GOLGB1: variants seen among roughly 807,000 people sequenced by gnomAD.
GOLGB1 encodes golgin subfamily B member 1.
Under a neutral mutation model 336.9 loss-of-function variants are expected in GOLGB1, and 174 were observed. The observed-to-expected ratio is 0.52, with a 90% CI of 0.46 to 0.59. GOLGB1 has a LOEUF of 0.59. Among genes scored for constraint, GOLGB1 ranks in the 20% least tolerant of loss-of-function variants. The pLI is 0.00. For missense variants in GOLGB1, 3,331 were observed against 3,645.3 expected, an observed-to-expected ratio of 0.91 and a Z score of 2.22; for synonymous variants, 1,208 against 1,289.2, an observed-to-expected ratio of 0.94 and a Z score of 1.35.
chr3:121,742,882 T>C (rs1422986531), intron 1 of GOLGB1, among the ~76,000 whole-genome samples: 2 of 152,180 alleles, frequency 1.3e-5, no homozygotes, highest in African/African-American at 2.4e-5. Flanking sequence ...CCATCACTGG[T>C]CATCAGAGAA....
In GOLGB1 at chr3:121,675,549, G is replaced by A. The variant is rs114863812; in HGVS notation, c.9177+1344C>T. ...CATGGATGAATCTCACAAAATAAATGAAGCAATATAAAAGAAAAGGTATGA... is the reference window on the plus strand; with the variant it reads ...CATGGATGAATCTCACAAAATAAATAAAGCAATATAAAAGAAAAGGTATGA... On this transcript the variant is annotated intron_variant, in intron 17 of 21. Coordinates refer to ENST00000614479, the MANE Select transcript of GOLGB1 (RefSeq NM_001366282.2). Among the ~76,000 whole-genome samples the A allele has an allele frequency of 1.1e-3, 167 of 152,196 alleles. 1 individual carries two copies. Among genetic ancestry groups the A allele is most frequent in the African/African-American group, 3.8e-3 (158 of 41,536 alleles).
intron 10 of GOLGB1, among the ~76,000 whole-genome samples, chr3:121,712,107 T>C (rs1190806592): frequency 6.6e-6 from 1 of 152,190 alleles, no homozygotes; most frequent in Admixed American, 6.5e-5. Flanking sequence ...GATACTGGCA[T>C]AGGGACTGAC....
intron 1 of GOLGB1, among the ~76,000 whole-genome samples, chr3:121,741,934 T>C (rs1946887108): frequency 6.6e-6 from 1 of 152,108 alleles, no homozygotes. Flanking sequence ...TCCTGAAACA[T>C]CTTGTCATAC....
chr3:121,692,477 G>GACAAAACAA lies in GOLGB1; in HGVS notation c.6886_6887insTTGTTTTGT (p.Leu2295_Ser2296insPheValLeu). ...TAGGTGGCGTGTCTCTTCTAGCTGG[G>GACAAAACAA]ACAAAAGTTCTTTGTTTTCCCCCTG... On this transcript the variant is annotated inframe_insertion, in exon 14 of 22. Transcript: ENST00000614479. 1 of 1,613,834 alleles carries GACAAAACAA rather than the reference G, an allele frequency of 6.2e-7. No individual in the cohort carries two copies. Among genetic ancestry groups the GACAAAACAA allele is most frequent in the Non-Finnish European group, 8.5e-7 (1 of 1,179,814 alleles).
chr3:121,694,963 T>A lies in GOLGB1; in HGVS notation c.5560A>T (p.Ile1854Phe). The A allele has an allele frequency of 2.5e-6, 4 of 1,614,170 alleles. No individual in the cohort carries two copies. Among genetic ancestry groups the A allele is most frequent in the Non-Finnish European group, 3.4e-6 (4 of 1,180,016 alleles). The change falls in exon 13 of 22, where the codon ATT becomes TTT. Residue 1854 changes from isoleucine (I) to phenylalanine (F), a missense_variant. Physicochemically the swap from Ile to Phe is conservative, Grantham distance 21. Transcript: ENST00000614479. ...LQQIDQLKER[I>F]AGLEEEKQKN... ...TGCTTCTCCTCCTCTAATCCAGCAA[T>A]TCTTTCTTTGAGCTGATCAATCTGC... is the stretch of plus-strand genomic sequence containing the variant.
chr3:121,704,274 G>T (rs1250166421), intron 10 of GOLGB1, among the ~76,000 whole-genome samples: 1 of 152,052 alleles, frequency 6.6e-6, no homozygotes, highest in African/African-American at 2.4e-5. Flanking sequence ...CAAACATAAC[G>T]TTATATACGT....
Position 121,697,608 on chromosome 3 carries a change from CT to C in GOLGB1, c.2914del (p.Ser972AlafsTer6). 6.2e-7 allele frequency: 1 copy of C among 1,612,526 alleles called. No homozygotes were observed. The highest frequency in any genetic ancestry group is 8.5e-7 in the Non-Finnish European group (1 of 1,179,446). ...SGLKQNYDEMSPAGQISKEEL... is the reference protein window; with the variant it reads ...SGLKQNYDEMXPAGQISKEEL... ...TTCCTTACTTATTTGTCCTGCTGGG[CT>C]CATCTCATCATAATTTTGTTTAAGG... On this transcript the variant is annotated frameshift_variant, in exon 13 of 22. Coordinates refer to ENST00000614479, the MANE Select transcript of GOLGB1 (RefSeq NM_001366282.2). LOFTEE classifies it high-confidence loss of function.
At chr3:121,672,647 G>A (rs1457861703) in intron 17 of GOLGB1, among the ~76,000 whole-genome samples, 3 of 152,110 alleles carry the variant, frequency 2.0e-5, no homozygotes, top group Non-Finnish European at 4.4e-5. Context: ...AATCCCATTT[G>A]TCTATTTTTG....
chr3:121,746,488 G>A (rs1947293532), intron 1 of GOLGB1, among the ~76,000 whole-genome samples: 1 of 149,110 alleles, frequency 6.7e-6, no homozygotes, highest in Admixed American at 6.7e-5. Context: ...TTTATTTAAT[G>A]TTATTTATTT....
At chr3:121,747,370 T>C (rs536154161) in intron 1 of GOLGB1, among the ~76,000 whole-genome samples, 6 of 145,588 alleles carry the variant, frequency 4.1e-5, no homozygotes, top group Non-Finnish European at 7.5e-5. Flanking sequence ...TATATATACG[T>C]ATATGTCTAT....
At chr3:121,668,396 C>T (rs576208555) in intron 18 of GOLGB1, 22 of 298,764 alleles carry the variant, frequency 7.4e-5, no homozygotes, top group South Asian at 5.1e-4. Context: ...AAGTCTGGGC[C>T]GGGCGCCGTG....
At chr3:121,733,757 C>T (rs1039518092) in intron 1 of GOLGB1, among the ~76,000 whole-genome samples, 2 of 152,064 alleles carry the variant, frequency 1.3e-5, no homozygotes, top group Non-Finnish European at 2.9e-5. Context: ...ACATACAAAT[C>T]GAGTCAACTG....
At chr3:121,705,439 G>A (rs925572285) in intron 10 of GOLGB1, among the ~76,000 whole-genome samples, 3 of 152,124 alleles carry the variant, frequency 2.0e-5, no homozygotes, top group Non-Finnish European at 2.9e-5. Flanking sequence ...TGGATATCAA[G>A]CAACAAAGGA....
chr3:121,732,092 G>C lies in GOLGB1; in HGVS notation c.-2-1119C>G, dbSNP rs188324371. On this transcript the variant is annotated intron_variant, in intron 1 of 21. Coordinates refer to ENST00000614479, the MANE Select transcript of GOLGB1 (RefSeq NM_001366282.2). Reference sequence around the variant, plus strand: ...GATAAAATGGGTCAGTTCACTGAAAGATTCAAGCTACCAAAAGCTCAAGAA... The same window carrying C: ...GATAAAATGGGTCAGTTCACTGAAACATTCAAGCTACCAAAAGCTCAAGAA... Among the ~76,000 whole-genome samples the C allele has an allele frequency of 9.2e-5, 14 of 152,210 alleles. 1 individual carries two copies. The highest frequency in any genetic ancestry group is 4.1e-4 in the South Asian group (2 of 4,820).
In GOLGB1 at chr3:121,664,387, G is replaced by A. The variant is rs1938290717; in HGVS notation, c.*93C>T. The A allele has an allele frequency of 1.8e-6, 2 of 1,129,588 alleles. No individual in the cohort carries two copies. Among genetic ancestry groups the A allele is most frequent in the Admixed American group, 1.7e-5 (1 of 57,682 alleles). 70.0% of individuals were successfully genotyped at this position (1,129,588 alleles called of 1,614,324 possible). A position where few individuals can be genotyped will look rare whatever the true frequency, so the allele number is the denominator to read the frequency against. ...AGAGTTGGAGAGAAGACCTGTAAAT[G>A]GGAAGACTGTTCCACTGGAATTGAT... is the stretch of plus-strand genomic sequence containing the variant. On this transcript the variant is annotated 3_prime_UTR_variant, in exon 22 of 22. Coordinates refer to ENST00000614479, the MANE Select transcript of GOLGB1 (RefSeq NM_001366282.2).
chr3:121,733,636 G>A (rs1215147900), intron 1 of GOLGB1, among the ~76,000 whole-genome samples: 1 of 152,122 alleles, frequency 6.6e-6, no homozygotes, highest in African/African-American at 2.4e-5. Flanking sequence ...TAAAACATAT[G>A]AAAAGGCAAG....
chr3:121,686,650 A>G (rs929739197), intron 14 of GOLGB1, among the ~76,000 whole-genome samples: 2 of 115,070 alleles, frequency 1.7e-5, no homozygotes, highest in African/African-American at 6.2e-5. Flanking sequence ...AATAGTGTAC[A>G]GAAATTAAAC....
intron 1 of GOLGB1, among the ~76,000 whole-genome samples, chr3:121,740,646 T>C (rs1165580280): frequency 6.6e-6 from 1 of 152,216 alleles, no homozygotes; most frequent in African/African-American, 2.4e-5. Context: ...TCTGTAGTGA[T>C]CTGAAATAAT....
At chr3:121,669,009 A>T (rs530696551) in intron 18 of GOLGB1, among the ~76,000 whole-genome samples, 2 of 152,136 alleles carry the variant, frequency 1.3e-5, no homozygotes, top group African/African-American at 4.8e-5. Context: ...CTCTCCCACC[A>T]TCTCACTGAT....
Sources: gnomAD v4.1 joint callset for allele counts (sites outside exome capture counted in the v4.1 genomes callset) on GRCh38, gnomAD v4.1.1 for gene constraint, MANE v1.5 for transcripts, NCBI Gene and HGNC (gene_info 2026-07-23, HGNC 2026-07-21) for gene names.